KLHL1: variants seen among roughly 807,000 people sequenced by gnomAD.
KLHL1 encodes the protein kelch like family member 1.
A neutral mutation model predicts 77.7 loss-of-function variants in KLHL1; 47 were observed. That is an observed-to-expected ratio of 0.60 (90% CI 0.48 to 0.77). The LOEUF (loss-of-function observed/expected upper bound fraction) is 0.77. Ranked by LOEUF, KLHL1 falls within the 30% of genes least tolerant of loss-of-function variation. The pLI, the probability that KLHL1 is intolerant of heterozygous loss-of-function variation, is 0.00. For missense variants in KLHL1, 925 were observed against 910.8 expected (o/e 1.02, Z -0.20); for synonymous variants, 360 against 325.2 (o/e 1.11, Z -1.15).
rs113919327 is a variant in KLHL1 at position 69,995,253 on chromosome 13, C to T, written c.498-19451G>A. On this transcript the variant is annotated intron_variant, in intron 1 of 10. Coordinates refer to ENST00000377844, the MANE Select transcript of KLHL1 (RefSeq NM_020866.3). The stretch of plus-strand genomic sequence containing the variant: ...TTTACCCAGAAAAAGTTTGGTGGTT[C>T]CTGTTATGATTCCAAGGGTAGAGTG... Among the ~76,000 whole-genome samples, 551 of 152,092 alleles carry T rather than the reference C, an allele frequency of 3.6e-3. 4 individuals carry two copies. Among genetic ancestry groups the T allele is most frequent in the African/African-American group, 0.013 (527 of 41,500 alleles).
At chr13:69,858,739 G>A (rs1236352932) in intron 5 of KLHL1, among the ~76,000 whole-genome samples, 1 of 152,072 alleles carries the variant, frequency 6.6e-6, no homozygotes, top group African/African-American at 2.4e-5. Flanking sequence ...GAAGATAGGT[G>A]ATATGTGATA....
At chr13:69,904,421 C>G (rs1450424258) in intron 4 of KLHL1, among the ~76,000 whole-genome samples, 1 of 152,152 alleles carries the variant, frequency 6.6e-6, no homozygotes, top group East Asian at 1.9e-4. Flanking sequence ...CCAACGTTCT[C>G]ATTTCTCCTG....
At chr13:70,071,487 G>T (rs570743360) in intron 1 of KLHL1, among the ~76,000 whole-genome samples, 2 of 152,042 alleles carry the variant, frequency 1.3e-5, no homozygotes, top group African/African-American at 4.8e-5. Context: ...CTAAATAACA[G>T]CATCTAACAG....
At position 69,753,222 on chromosome 13, in the gene KLHL1, C is replaced by A. The variant is rs114821747; in HGVS notation, c.1640-12666G>T. On this transcript the variant is annotated intron_variant, in intron 7 of 10. Coordinates refer to ENST00000377844, the MANE Select transcript of KLHL1 (RefSeq NM_020866.3). The stretch of plus-strand genomic sequence containing the variant: ...GACTCTTCTACTCAGTGAACCCAAA[C>A]CTTCATAGCTGTTAAAATAAAAAGG... Among the ~76,000 whole-genome samples, 842 of 152,138 alleles carry A rather than the reference C, an allele frequency of 5.5e-3. 16 individuals are homozygous for A. Among genetic ancestry groups the A allele is most frequent in the African/African-American group, 0.02 (810 of 41,502 alleles).
chr13:70,106,369 G>A (rs1277710744), intron 1 of KLHL1, among the ~76,000 whole-genome samples: 1 of 152,116 alleles, frequency 6.6e-6, no homozygotes, highest in Non-Finnish European at 1.5e-5. Context: ...ATGTGGTTTA[G>A]AATAGTAATG....
intron 1 of KLHL1, among the ~76,000 whole-genome samples, chr13:70,004,867 TTATAAC>T (rs1261481796): frequency 1.3e-5 from 2 of 151,456 alleles, no homozygotes; most frequent in Admixed American, 6.6e-5. Flanking sequence ...AAAATTATAT[TTATAAC>T]TATAACTGAT....
At position 69,882,380 on chromosome 13, in the gene KLHL1, T is replaced by C. The variant is rs1207101558; in HGVS notation, c.1130A>G (p.His377Arg). Residue 377 changes from histidine (H) to arginine (R), a missense_variant, in exon 5 of 11, where the codon CAT becomes CGT. By Grantham distance (29) the His-to-Arg change is conservative (BLOSUM62 0). Coordinates refer to ENST00000377844, the MANE Select transcript of KLHL1 (RefSeq NM_020866.3). Reference sequence around the variant, plus strand: ...ATACTTGACCCACATCATCAATGCATGGAAGATGGTTTCTTCATCAGGAAC... The same window carrying C: ...ATACTTGACCCACATCATCAATGCACGGAAGATGGTTTCTTCATCAGGAAC... The part of the protein sequence containing the change: ...VNVPDEETIF[H>R]ALMMWVKYDM... The C allele has an allele frequency of 1.9e-6, 3 of 1,613,702 alleles. No individual in the cohort carries two copies. The highest frequency in any genetic ancestry group is 1.7e-5 in the Admixed American group (1 of 60,008).
intron 4 of KLHL1, among the ~76,000 whole-genome samples, chr13:69,925,447 C>T (rs1430084028): frequency 1.3e-5 from 2 of 152,084 alleles, no homozygotes; most frequent in Non-Finnish European, 2.9e-5. Flanking sequence ...TAATTCTTTG[C>T]TTTTTCTTGC....
At chr13:70,011,625 G>C (rs1885535710) in intron 1 of KLHL1, among the ~76,000 whole-genome samples, 1 of 152,162 alleles carries the variant, frequency 6.6e-6, no homozygotes, top group Admixed American at 6.5e-5. Flanking sequence ...TGCTCTGAAA[G>C]TCACTGTACT....
intron 9 of KLHL1, among the ~76,000 whole-genome samples, chr13:69,709,507 T>G (rs1875780850): frequency 1.3e-5 from 2 of 152,042 alleles, no homozygotes; most frequent in Non-Finnish European, 2.9e-5. Flanking sequence ...GTGAGTAGGC[T>G]TTACTTGGAT....
chr13:69,779,792 T>A (rs536908931), intron 7 of KLHL1, among the ~76,000 whole-genome samples: 1 of 151,804 alleles, frequency 6.6e-6, no homozygotes, highest in African/African-American at 2.4e-5. Flanking sequence ...GCAAAATTTA[T>A]TTTTTATTTA....
At chr13:69,927,918 A>G (rs1882870831) in intron 4 of KLHL1, among the ~76,000 whole-genome samples, 1 of 152,220 alleles carries the variant, frequency 6.6e-6, no homozygotes, top group South Asian at 2.1e-4. Context: ...TTATGTTCAC[A>G]CAATAACTTG....
chr13:69,754,795 C>T (rs891033799), intron 7 of KLHL1, among the ~76,000 whole-genome samples: 1 of 152,120 alleles, frequency 6.6e-6, no homozygotes, highest in Non-Finnish European at 1.5e-5. Flanking sequence ...TGTTACATTT[C>T]TAAATCCTTT....
intron 1 of KLHL1, among the ~76,000 whole-genome samples, chr13:70,014,741 G>A (rs527582960): frequency 3.3e-5 from 5 of 152,220 alleles, no homozygotes; most frequent in African/African-American, 9.6e-5. Flanking sequence ...GATAATGTTA[G>A]TGGCTTATAA....
chr13:69,940,366 A>G, intron 3 of KLHL1, 130 bp from the exon 4 acceptor site: 1 of 618,476 alleles, frequency 1.6e-6, no homozygotes, highest in Non-Finnish European at 2.6e-6. Flanking sequence ...CAAGATAAAT[A>G]TAACTCGGTA....
At chr13:70,028,344 A>T (rs1331631143) in intron 1 of KLHL1, among the ~76,000 whole-genome samples, 1 of 152,198 alleles carries the variant, frequency 6.6e-6, no homozygotes, top group Non-Finnish European at 1.5e-5. Flanking sequence ...CTTATAATTC[A>T]GTATATATAT....
intron 4 of KLHL1, among the ~76,000 whole-genome samples, chr13:69,909,544 T>A (rs185423669): frequency 0.011 from 1,699 of 151,958 alleles, 9 homozygotes; most frequent in Non-Finnish European, 0.016. Flanking sequence ...AATTTTTTTT[T>A]AAAAAAATCA....
intron 7 of KLHL1, among the ~76,000 whole-genome samples, chr13:69,787,704 A>G (rs185534993): frequency 0.015 from 2,251 of 152,298 alleles, 54 homozygotes; most frequent in African/African-American, 0.05. Flanking sequence ...AAAAGAAACT[A>G]CCATCAGAGT....
At chr13:69,708,449 G>T (rs1268315770) in intron 9 of KLHL1, among the ~76,000 whole-genome samples, 1 of 151,840 alleles carries the variant, frequency 6.6e-6, no homozygotes, top group Non-Finnish European at 1.5e-5. Flanking sequence ...GGGTAGGAAG[G>T]TACTTTCAGT....
Sources: gnomAD v4.1 joint callset for allele counts (sites outside exome capture counted in the v4.1 genomes callset) on GRCh38, gnomAD v4.1.1 for gene constraint, MANE v1.5 for transcripts, NCBI Gene and HGNC (gene_info 2026-07-23, HGNC 2026-07-21) for gene names.